The following DDX3X variants were observed in gnomAD, a reference collection of about 807,000 sequenced individuals.
The protein encoded by DDX3X is ATP-dependent RNA helicase DDX3X.
DDX3X carries 4 observed loss-of-function variants against 52.7 expected under a neutral mutation model. That is an observed-to-expected ratio of 0.08 (90% CI 0.04 to 0.17). The LOEUF (loss-of-function observed/expected upper bound fraction) is 0.17. Ranked by LOEUF, DDX3X falls within the 10% of genes least tolerant of loss-of-function variation. The pLI is 1.00. For missense variants in DDX3X, 222 were observed against 548.6 expected (o/e 0.40, Z 5.95); for synonymous variants, 192 against 178.1 (o/e 1.08, Z -0.62).
chrX:41,341,151 A>G (rs1386370661), intron 3 of DDX3X: 2 of 158,431 alleles, frequency 1.3e-5, no homozygotes, highest in African/African-American at 3.1e-5. Context: ...ACGCCTGGCT[A>G]ATATTGTATA....
At position 41,341,500 on chromosome X, in the gene DDX3X, C is replaced by G; in HGVS notation, c.168C>G (p.Asp56Glu). Residue 56 changes from aspartate to glutamate, a missense_variant, in exon 4 of 17, where the codon GAC (aspartate) becomes GAG (glutamate). By Grantham distance (45) the Asp-to-Glu change is conservative (BLOSUM62 2). Transcript: ENST00000644876. ...REATKGFYDK[D>E]SSGWSSSKDK... ...TAATCAAAGGTTTCTACGATAAAGACAGTTCAGGGTGGAGTTCTAGCAAAG... is the reference window on the plus strand; with the variant it reads ...TAATCAAAGGTTTCTACGATAAAGAGAGTTCAGGGTGGAGTTCTAGCAAAG... The G allele has an allele frequency of 6.6e-6, 8 of 1,203,997 alleles. No individual in the cohort carries two copies. Among genetic ancestry groups the G allele is most frequent in the Non-Finnish European group, 9.0e-6 (8 of 889,967 alleles).
intron 10 of DDX3X, 99 bp downstream of exon 10, chrX:41,344,498 C>T (rs758612047): frequency 3.8e-5 from 38 of 1,003,177 alleles, no homozygotes; most frequent in Middle Eastern, 7.4e-4. Flanking sequence ...AGTGCCATGG[C>T]GCGATCTCGG....
chrX:41,343,453 T>G (rs907652791), intron 7 of DDX3X, 102 bp downstream of exon 7: 2 of 760,881 alleles, frequency 2.6e-6, no homozygotes, highest in Non-Finnish European at 3.7e-6. Flanking sequence ...GCAGCTGCTC[T>G]GCGCTGCTAT....
In DDX3X at chrX:41,341,672, TTA is replaced by T; in HGVS notation, c.284+58_284+59del. 4 of 1,088,089 alleles carry T rather than the reference TTA, an allele frequency of 3.7e-6. No individual in the cohort carries two copies. In the South Asian group the frequency reaches 7.9e-5, roughly 21 times the overall value. The allele number at this position is 1,088,089 out of a possible 1,213,427, so 89.7% of individuals were successfully genotyped here. On this transcript the variant is annotated intron_variant, in intron 4 of 16. Coordinates refer to ENST00000644876, the MANE Select transcript of DDX3X (RefSeq NM_001356.5). ...TGTATAATAACAGTTTAATAAGTCG[TTA>T]TCCTGACCACCTGTTTGGATGTTAA...
At chrX:41,334,147 C>A, upstream of DDX3X, 2 of 842,901 alleles carry the variant, frequency 2.4e-6, no homozygotes, top group South Asian at 2.3e-5. Context: ...GATCCGTGGC[C>A]GCGCGGTGCG....
chrX:41,341,133 G>C lies in DDX3X; in HGVS notation c.152-351G>C, dbSNP rs1373241808. The C allele has an allele frequency of 1.6e-4, 25 of 158,971 alleles. 1 individual carries two copies. Among genetic ancestry groups the C allele is most frequent in the Non-Finnish European group, 2.4e-5 (2 of 84,253 alleles). 13.1% of individuals were successfully genotyped at this position (158,971 alleles called of 1,213,427 possible). ...CCTGAGTAGCTGGGATTACAGACGT[G>C]GGCCACCACGCCTGGCTAATATTGT... On this transcript the variant is annotated intron_variant, in intron 3 of 16. Transcript: ENST00000644876.
upstream of DDX3X, chrX:41,333,658 A>C (rs762524723): frequency 9.2e-6 from 1 of 108,886 alleles, no homozygotes; most frequent in Admixed American, 9.8e-5. Context: ...AAATCCCACC[A>C]CATCTCCAAG....
chrX:41,360,155 A>G (rs1311389108), intron 5 of DDX3X, among the ~76,000 whole-genome samples: 1 of 109,177 alleles, frequency 9.2e-6, no homozygotes. Context: ...AGGTGGGCGG[A>G]TCACCTGAGG....
At chrX:41,353,782 ATCTC>A (rs906945617), downstream of DDX3X, among the ~76,000 whole-genome samples, 7 of 106,634 alleles carry the variant, frequency 6.6e-5, no homozygotes, top group South Asian at 4.2e-4. Context: ...AAAAAAAAAA[ATCTC>A]TCTCTCTATA....
At position 41,347,381 on chromosome X, in the gene DDX3X, C is replaced by T; in HGVS notation, c.1839C>T (p.Phe613=). Residue 613 remains phenylalanine (F), a synonymous_variant, in exon 16 of 17, where the codon TTC becomes TTT. Transcript: ENST00000644876. ...RQSSGASSSS[F]SSSRASSSRS... Reference sequence around the variant, plus strand: ...GTAGCGGTGCCAGCAGTTCCAGCTTCAGCAGCAGCCGCGCAAGCAGCAGCC... The same window carrying T: ...GTAGCGGTGCCAGCAGTTCCAGCTTTAGCAGCAGCCGCGCAAGCAGCAGCC... The T allele has an allele frequency of 8.3e-7, 1 of 1,211,704 alleles. No homozygotes were observed. Among genetic ancestry groups the T allele is most frequent in the Non-Finnish European group, 1.1e-6 (1 of 895,398 alleles).
intron 12 of DDX3X, 31 bp downstream of exon 12, chrX:41,345,579 C>G: frequency 8.8e-7 from 1 of 1,142,754 alleles, no homozygotes; most frequent in Non-Finnish European, 1.2e-6. Context: ...TTTTATTAGA[C>G]ATGGGGGTTT....
Position 41,334,265 on chromosome X carries a change from G to T in DDX3X, c.13G>T (p.Ala5Ser), listed in dbSNP as rs776297102. The change falls in exon 1 of 17, where the codon GCA becomes TCA. Residue 5 changes from alanine to serine, a missense_variant. Coordinates refer to ENST00000644876, the MANE Select transcript of DDX3X (RefSeq NM_001356.5). MSHV[A>S]VENALGLDQQ... ...GTACTCTTCAGGGATGAGTCATGTGGCAGTGGAAAATGCGCTCGGGCTGGA... is the reference window on the plus strand; with the variant it reads ...GTACTCTTCAGGGATGAGTCATGTGTCAGTGGAAAATGCGCTCGGGCTGGA... 1 of 1,211,537 alleles carries T rather than the reference G, an allele frequency of 8.3e-7. No individual in the cohort carries two copies. Among genetic ancestry groups the T allele is most frequent in the South Asian group, 1.8e-5 (1 of 56,821 alleles).
At chrX:41,339,114 A>T in intron 3 of DDX3X, 31 bp downstream of exon 3, 2 of 936,171 alleles carry the variant, frequency 2.1e-6, no homozygotes, top group Non-Finnish European at 2.9e-6. Context: ...TCGTAGGTCT[A>T]TTTTTTGCCT....
chrX:41,337,577 G>T (rs971471293), intron 2 of DDX3X, 112 bp downstream of exon 2: 1 of 549,035 alleles, frequency 1.8e-6, no homozygotes, highest in East Asian at 3.5e-5. Flanking sequence ...ACTGCTTAAA[G>T]AATTATGTAG....
At chrX:41,343,591 G>C in intron 7 of DDX3X, 146 bp from the exon 8 acceptor site, 1 of 560,231 alleles carries the variant, frequency 1.8e-6, no homozygotes, top group Non-Finnish European at 2.8e-6. Context: ...TCCTCTTAGA[G>C]GTGGAGCAGA....
chrX:41,340,816 T>C lies in DDX3X; in HGVS notation c.152-668T>C, dbSNP rs2063839261. ...CCTCCAAGAAACATGGAAACAATGGTAACTGTTTTTCCTAGTAAACTCATT... is the reference window on the plus strand; with the variant it reads ...CCTCCAAGAAACATGGAAACAATGGCAACTGTTTTTCCTAGTAAACTCATT... On this transcript the variant is annotated intron_variant, in intron 3 of 16. Coordinates refer to ENST00000644876, the MANE Select transcript of DDX3X (RefSeq NM_001356.5). The C allele has an allele frequency of 1.7e-5, 5 of 296,894 alleles. No individual in the cohort carries two copies. The highest frequency in any genetic ancestry group is 2.9e-5 in the Non-Finnish European group (5 of 169,949). The allele number at this position is 296,894 out of a possible 1,213,427, so 24.5% of individuals were successfully genotyped here.
rs2147363808 is a variant in DDX3X, at chrX:41,348,889, A to G, written c.*1170A>G. ...AAATCTTTGAGATCACACAGGTTGG[A>G]AATATGTACATAACTGCACAAGGTG... On this transcript the variant is annotated 3_prime_UTR_variant, in exon 17 of 17. Coordinates refer to ENST00000644876, the MANE Select transcript of DDX3X (RefSeq NM_001356.5). 1 of 112,738 alleles carries G rather than the reference A, an allele frequency of 8.9e-6. No homozygotes were observed. The highest frequency in any genetic ancestry group is 1.9e-5 in the Non-Finnish European group (1 of 53,318). 9.3% of individuals were successfully genotyped at this position (112,738 alleles called of 1,213,427 possible).
In DDX3X at chrX:41,349,772, G is replaced by A. The variant is rs1427934263; in HGVS notation, c.*2053G>A. On this transcript the variant is annotated 3_prime_UTR_variant, in exon 17 of 17. Coordinates refer to ENST00000644876, the MANE Select transcript of DDX3X (RefSeq NM_001356.5). ...TGATGTTAGTAAAAACAAAATTGGC[G>A]ACTTGAAATTAAATCATGCCAAGGT... is the stretch of plus-strand genomic sequence containing the variant. 6.3e-5 allele frequency: 7 copies of A among 111,727 alleles called. No homozygotes were observed. The highest frequency in any genetic ancestry group is 5.6e-4 in the East Asian group (2 of 3,592). 9.2% of individuals were successfully genotyped at this position (111,727 alleles called of 1,213,427 possible).
chrX:41,342,949 T>C, intron 6 of DDX3X, 113 bp downstream of exon 6: 2 of 660,493 alleles, frequency 3.0e-6, no homozygotes, highest in Non-Finnish European at 4.7e-6. Flanking sequence ...TTCATAGATT[T>C]GTGGAAAAGG....
Sources: allele counts gnomAD v4.1 joint callset (sites outside exome capture counted in the v4.1 genomes callset), GRCh38; gene constraint gnomAD v4.1.1; transcripts MANE v1.5; gene names NCBI Gene and HGNC (gene_info 2026-07-23, HGNC 2026-07-21).